The following ZNF69 variants were observed in gnomAD, a reference collection of about 807,000 sequenced individuals.
The protein encoded by ZNF69 is zinc finger protein 69, also known as ZNF3.
Under a neutral mutation model 50.9 loss-of-function variants are expected in ZNF69, and 47 were observed. The observed-to-expected ratio is 0.92, with a 90% CI of 0.73 to 1.18. The LOEUF (loss-of-function observed/expected upper bound fraction) is 1.18. ZNF69 is among the 50% of genes most tolerant of loss of function. ZNF69 has a pLI of 0.00. For missense variants in ZNF69, 717 were observed against 675.1 expected (o/e 1.06, Z -0.69); for synonymous variants, 216 against 223.1 (o/e 0.97, Z 0.29).
At chr19:11,936,262 C>T in the ZNF69 span, among the ~76,000 whole-genome samples, 12 of 152,206 alleles carry the variant, frequency 7.9e-5, no homozygotes, top group African/African-American at 2.9e-4. Context: ...GGAATCGCCA[C>T]ACTGTCTTCC....
At chr19:11,922,154 C>T in the ZNF69 span, among the ~76,000 whole-genome samples, 3 of 152,100 alleles carry the variant, frequency 2.0e-5, no homozygotes, top group South Asian at 2.1e-4. Flanking sequence ...GATTCTTTTA[C>T]TGTTACTCTT....
chr19:11,944,857 T>C, the ZNF69 span, among the ~76,000 whole-genome samples: 1 of 152,330 alleles, frequency 6.6e-6, no homozygotes, highest in South Asian at 2.1e-4. Context: ...TTAACAACTT[T>C]TGAAGTGACT....
At chr19:11,947,475 A>C in the ZNF69 span, 1 of 1,606,658 alleles carries the variant, frequency 6.2e-7, no homozygotes, top group Non-Finnish European at 8.5e-7. Flanking sequence ...TCACAATTTT[A>C]TACTGCTTCA....
At chr19:11,974,150 CTTT>C in the ZNF69 span, among the ~76,000 whole-genome samples, 3 of 113,394 alleles carry the variant, frequency 2.6e-5, no homozygotes, top group African/African-American at 1.4e-4. Context: ...TTCTTTCTTT[CTTT>C]CTTTCCTTCC....
chr19:11,971,544 T>A, the ZNF69 span, among the ~76,000 whole-genome samples: 1 of 152,180 alleles, frequency 6.6e-6, no homozygotes, highest in Non-Finnish European at 1.5e-5. Flanking sequence ...TTTCTTAATT[T>A]TAGTGAAAAA....
At chr19:11,977,778 C>T in the ZNF69 span, among the ~76,000 whole-genome samples, 1 of 152,142 alleles carries the variant, frequency 6.6e-6, no homozygotes, top group Admixed American at 6.6e-5. Context: ...ATCACTCAAG[C>T]CCCCAGGAGT....
the ZNF69 span, chr19:11,977,334 AT>A: frequency 6.2e-7 from 1 of 1,610,184 alleles, no homozygotes; most frequent in Non-Finnish European, 8.5e-7. Flanking sequence ...ACAGTTTTAT[AT>A]TGCTTCAGGA....
At chr19:11,919,671 A>G in the ZNF69 span, among the ~76,000 whole-genome samples, 1 of 152,140 alleles carries the variant, frequency 6.6e-6, no homozygotes, top group South Asian at 2.1e-4. Flanking sequence ...GATCACATAC[A>G]TTTATAAAGG....
the ZNF69 span, among the ~76,000 whole-genome samples, chr19:11,959,537 C>T: frequency 2.0e-5 from 3 of 152,082 alleles, no homozygotes; most frequent in East Asian, 5.8e-4. Flanking sequence ...ATTAATACAC[C>T]ATTAGTATTA....
chr19:11,965,897 G>T, the ZNF69 span, among the ~76,000 whole-genome samples: 1 of 152,136 alleles, frequency 6.6e-6, no homozygotes, highest in Admixed American at 6.6e-5. Context: ...AGTTCCATTG[G>T]CAGAAAGGGC....
At chr19:11,956,051 GAA>G in the ZNF69 span, among the ~76,000 whole-genome samples, 1 of 152,150 alleles carries the variant, frequency 6.6e-6, no homozygotes, top group East Asian at 1.9e-4. Context: ...CTTAACTGGA[GAA>G]GTTAAGTCTT....
At position 11,905,947 on chromosome 19, in the gene ZNF69, G is replaced by T; in HGVS notation, c.1550G>T (p.Ser517Ile). The T allele has an allele frequency of 1.2e-6, 2 of 1,610,846 alleles. No homozygotes were observed. The highest frequency in any genetic ancestry group is 1.7e-6 in the Non-Finnish European group (2 of 1,179,038). ...ECKQCGEAFS[S>I]SSSFRYHERT... Reference sequence around the variant, plus strand: ...AAGCAATGTGGTGAAGCCTTCAGTAGTTCCAGTTCCTTTCGATACCATGAA... The same window carrying T: ...AAGCAATGTGGTGAAGCCTTCAGTATTTCCAGTTCCTTTCGATACCATGAA... Residue 517 changes from serine (S) to isoleucine (I), a missense_variant, in exon 4 of 4, where the codon AGT becomes ATT. Coordinates refer to ENST00000429654, the MANE Select transcript of ZNF69 (RefSeq NM_001364730.1).
At chr19:11,895,344 C>G (rs184406366) in intron 1 of ZNF69, among the ~76,000 whole-genome samples, 1 of 152,350 alleles carries the variant, frequency 6.6e-6, no homozygotes, top group East Asian at 1.9e-4. Context: ...GATGCACATT[C>G]AACCAGCAGG....
the ZNF69 span, chr19:11,950,322 C>G: frequency 4.1e-6 from 6 of 1,468,786 alleles, no homozygotes; most frequent in African/African-American, 8.5e-5. Context: ...AGCAATGTGG[C>G]AAAACTTTCA....
the ZNF69 span, among the ~76,000 whole-genome samples, chr19:11,941,477 G>A: frequency 5.3e-5 from 8 of 152,324 alleles, no homozygotes; most frequent in East Asian, 1.9e-4. Flanking sequence ...GAAATCGAGC[G>A]CAGCACCGGT....
At chr19:11,946,227 G>C in the ZNF69 span, among the ~76,000 whole-genome samples, 15 of 152,182 alleles carry the variant, frequency 9.9e-5, no homozygotes, top group African/African-American at 3.4e-4. Context: ...TCGTAAATGA[G>C]CTGCCAAGGG....
At chr19:11,974,196 CTCT>C in the ZNF69 span, among the ~76,000 whole-genome samples, 4,633 of 21,814 alleles carry the variant, frequency 0.21, 464 homozygotes, top group African/African-American at 0.45. Context: ...CTTTCTTTCT[CTCT>C]TTTTTTTTGT....
Position 11,887,817 on chromosome 19 carries a change from T to A in ZNF69, c.-107T>A. 1.1e-6 allele frequency: 1 copy of A among 942,390 alleles called. No individual in the cohort carries two copies. Among genetic ancestry groups the A allele is most frequent in the Non-Finnish European group, 1.6e-6 (1 of 613,844 alleles). 58.4% of individuals were successfully genotyped at this position (942,390 alleles called of 1,614,324 possible). A position where few individuals can be genotyped will look rare whatever the true frequency, so the allele number is the denominator to read the frequency against. ...CAGACACTGAGGGGGTCGCATTCCT[T>A]ACCTCACCTTTGTCCCTGCGCGGGC... is the stretch of plus-strand genomic sequence containing the variant. On this transcript the variant is annotated 5_prime_UTR_variant, in exon 1 of 4. Transcript: ENST00000429654.
At chr19:11,917,904 C>G (rs960261897), downstream of ZNF69, among the ~76,000 whole-genome samples, 1 of 150,918 alleles carries the variant, frequency 6.6e-6, no homozygotes, top group African/African-American at 2.4e-5. Flanking sequence ...TGTCCTACCT[C>G]AGCCTCCTGA....
Sources: gnomAD v4.1 joint callset for allele counts (sites outside exome capture counted in the v4.1 genomes callset) on GRCh38, gnomAD v4.1.1 for gene constraint, MANE v1.5 for transcripts, NCBI Gene and HGNC (gene_info 2026-07-23, HGNC 2026-07-21) for gene names.